Variants in COMMD8 observed in about 807,000 individuals in gnomAD.
COMMD8 encodes COMM domain containing 8.
A neutral mutation model predicts 27.2 loss-of-function variants in COMMD8; 28 were observed. The observed-to-expected ratio is 1.03, with a 90% CI of 0.76 to 1.41. The LOEUF (loss-of-function observed/expected upper bound fraction) is 1.41, where lower values mean the gene tolerates loss of function less well. Ranked by LOEUF, COMMD8 falls within the 40% of genes most tolerant of loss-of-function variation. The probability of loss-of-function intolerance (pLI) is 0.00; values close to 1 mark genes in which losing one functional copy is unlikely to be tolerated. For missense variants in COMMD8, 217 were observed against 211.2 expected (o/e 1.03, Z -0.17); for synonymous variants, 79 against 75.5 (o/e 1.05, Z -0.24).
chr4:47,454,060 C>G (rs1729825727), intron 3 of COMMD8, among the ~76,000 whole-genome samples: 1 of 152,196 alleles, frequency 6.6e-6, no homozygotes. Context: ...TATCTCAGAT[C>G]TGGAAGTATC....
chr4:47,456,987 C>T (rs540133865), intron 2 of COMMD8, among the ~76,000 whole-genome samples: 1 of 152,298 alleles, frequency 6.6e-6, no homozygotes, highest in South Asian at 2.1e-4. Context: ...AAAGCTGATA[C>T]CACCACGCAG....
At chr4:47,457,791 T>C (rs761291729) in intron 2 of COMMD8, among the ~76,000 whole-genome samples, 1 of 150,354 alleles carries the variant, frequency 6.7e-6, no homozygotes, top group African/African-American at 2.4e-5. Context: ...ATTCATTCCA[T>C]GAGGCCAGAA....
At chr4:47,459,988 G>A (rs1370739293) in intron 2 of COMMD8, 156 bp downstream of exon 2, 14 of 536,708 alleles carry the variant, frequency 2.6e-5, no homozygotes, top group African/African-American at 5.9e-5. Flanking sequence ...AAACAAAACT[G>A]CAAAAACCTA....
intron 1 of COMMD8, among the ~76,000 whole-genome samples, chr4:47,462,819 GT>G (rs942025470): frequency 2.7e-5 from 4 of 150,878 alleles, no homozygotes; most frequent in Non-Finnish European, 5.9e-5. Context: ...AGAATTAGGT[GT>G]TTTTTTTTCT....
rs535903802 is a variant in COMMD8, at chr4:47,459,657, G to A, written c.222+487C>T. ...AAACAATTTACAAGTGCAGACAAATGTTACATTTTATTACAAGTTATACAC... is the reference window on the plus strand; with the variant it reads ...AAACAATTTACAAGTGCAGACAAATATTACATTTTATTACAAGTTATACAC... On this transcript the variant is annotated intron_variant, in intron 2 of 4. Coordinates refer to ENST00000381571, the MANE Select transcript of COMMD8 (RefSeq NM_017845.5). 1.2e-4 allele frequency among the ~76,000 whole-genome samples: 19 copies of A among 152,144 alleles called. No individual in the cohort carries two copies. In the South Asian group the frequency reaches 3.7e-3, roughly 30 times the overall value.
At chr4:47,459,821 A>G (rs76759500) in intron 2 of COMMD8, 5,462 of 187,120 alleles carry the variant, frequency 0.029, 126 homozygotes, top group Non-Finnish European at 0.045. Context: ...AAGGGAATTT[A>G]GGTTATCTTT....
At chr4:47,458,877 C>T (rs1729953743) in intron 2 of COMMD8, among the ~76,000 whole-genome samples, 1 of 151,896 alleles carries the variant, frequency 6.6e-6, no homozygotes, top group Admixed American at 6.5e-5. Flanking sequence ...AAATATAGGG[C>T]CACTTGATTT....
chr4:47,459,285 T>C (rs1729961614), intron 2 of COMMD8, among the ~76,000 whole-genome samples: 2 of 152,106 alleles, frequency 1.3e-5, no homozygotes, highest in African/African-American at 4.8e-5. Context: ...ACCAAATCAA[T>C]GACAAACATA....
chr4:47,453,013 CAAA>C (rs773244680), intron 4 of COMMD8, 43 bp downstream of exon 4: 9 of 1,532,198 alleles, frequency 5.9e-6, no homozygotes, highest in Non-Finnish European at 6.2e-6. Context: ...AAAAAAACCC[CAAA>C]ACCTTAAACA....
At chr4:47,458,870 T>C (rs1343005019) in intron 2 of COMMD8, among the ~76,000 whole-genome samples, 3 of 151,986 alleles carry the variant, frequency 2.0e-5, no homozygotes, top group African/African-American at 4.8e-5. Context: ...GAGGCACAAA[T>C]ATAGGGCCAC....
At position 47,463,569 on chromosome 4, in the gene COMMD8, C is replaced by T; in HGVS notation, c.66+17G>A. The T allele has an allele frequency of 6.5e-7, 1 of 1,541,572 alleles. No homozygotes were observed. Among genetic ancestry groups the T allele is most frequent in the Non-Finnish European group, 8.7e-7 (1 of 1,145,448 alleles). On this transcript the variant is annotated intron_variant, in intron 1 of 4. Transcript: ENST00000381571. ...AATCCCAGGCCCCGCGCCGCTTCCC[C>T]CGGTACCCGCCCTCACCTGCGGGCC...
chr4:47,460,078 T>TA, intron 2 of COMMD8, 66 bp downstream of exon 2: 1 of 1,397,218 alleles, frequency 7.2e-7, no homozygotes, highest in Non-Finnish European at 1.0e-6. Context: ...TACATTGCTC[T>TA]AAAAAACTCA....
chr4:47,453,208 G>A lies in COMMD8; in HGVS notation c.382C>T (p.Leu128Phe), dbSNP rs1412271152. The A allele has an allele frequency of 8.1e-6, 13 of 1,612,102 alleles. No individual in the cohort carries two copies. The highest frequency in any genetic ancestry group is 1.0e-5 in the Non-Finnish European group (12 of 1,179,290). ...AATGCAGCAATCTTGTCACTGGAAA[G>A]TGCAAGCTGTTTAAAATCAGAAAAA... is the stretch of plus-strand genomic sequence containing the variant. ...QDFDWQVKLA[L>F]SSDKIAALRM... The change falls in exon 4 of 5, where the codon CTT becomes TTT. Residue 128 changes from leucine (L) to phenylalanine (F), a missense_variant. By Grantham distance (22) the Leu-to-Phe change is conservative. Transcript: ENST00000381571.
At chr4:47,453,638 GCTAT>G (rs10634466) in intron 3 of COMMD8, among the ~76,000 whole-genome samples, 3 of 152,140 alleles carry the variant, frequency 2.0e-5, no homozygotes, top group Non-Finnish European at 2.9e-5. Context: ...TTCATGGTCA[GCTAT>G]CTATCACAAT....
chr4:47,455,546 T>C (rs1345037122), intron 3 of COMMD8, among the ~76,000 whole-genome samples: 1 of 152,190 alleles, frequency 6.6e-6, no homozygotes, highest in African/African-American at 2.4e-5. Flanking sequence ...AGCATAATAT[T>C]CATAAAAATG....
chr4:47,460,006 C>A, intron 2 of COMMD8, 138 bp downstream of exon 2: 1 of 630,312 alleles, frequency 1.6e-6, no homozygotes. Context: ...CTAGGACTTC[C>A]ACAGATTTTT....
At chr4:47,455,033 C>T (rs1729852839) in intron 3 of COMMD8, among the ~76,000 whole-genome samples, 1 of 151,802 alleles carries the variant, frequency 6.6e-6, no homozygotes, top group Non-Finnish European at 1.5e-5. Context: ...TTTTCTGAGA[C>T]AGAGTTGTGC....
intron 3 of COMMD8, among the ~76,000 whole-genome samples, 175 bp from the exon 4 acceptor site, chr4:47,453,389 G>C (rs911578214): frequency 1.3e-5 from 2 of 152,228 alleles, no homozygotes; most frequent in African/African-American, 4.8e-5. Flanking sequence ...AACAGAAAGA[G>C]AAAGGAGAGT....
chr4:47,451,656 G>T lies in COMMD8; in HGVS notation c.541C>A (p.Gln181Lys). Residue 181 changes from glutamine (Q) to lysine (K), a missense_variant, in exon 5 of 5, where the codon CAG (glutamine) becomes AAG (lysine). Coordinates refer to ENST00000381571, the MANE Select transcript of COMMD8 (RefSeq NM_017845.5). Reference protein sequence around the residue: ...SLEAANKVVLQLK With the variant: ...SLEAANKVVLKLK ...TTCATCATTTCCAGTTATTTCAACTGCAGGACCACCTTAAAACACAAATTG... is the reference window on the plus strand; with the variant it reads ...TTCATCATTTCCAGTTATTTCAACTTCAGGACCACCTTAAAACACAAATTG... 6.3e-7 allele frequency: 1 copy of T among 1,582,542 alleles called. No homozygotes were observed. The highest frequency in any genetic ancestry group is 8.6e-7 in the Non-Finnish European group (1 of 1,168,060).
Sources: allele counts gnomAD v4.1 joint callset (sites outside exome capture counted in the v4.1 genomes callset), GRCh38; gene constraint gnomAD v4.1.1; transcripts MANE v1.5; gene names NCBI Gene and HGNC (gene_info 2026-07-23, HGNC 2026-07-21).